DIPK1B: variants seen among roughly 807,000 people sequenced by gnomAD.
DIPK1B encodes divergent protein kinase domain 1B.
DIPK1B carries 17 observed loss-of-function variants against 20.7 expected under a neutral mutation model. The observed-to-expected ratio is 0.82, with a 90% CI of 0.56 to 1.23. DIPK1B has a LOEUF of 1.23. Ranked by LOEUF, DIPK1B falls within the 50% of genes most tolerant of loss-of-function variation. The pLI, the probability that DIPK1B is intolerant of heterozygous loss-of-function variation, is 0.00. For missense variants in DIPK1B, 648 were observed against 601.8 expected, an observed-to-expected ratio of 1.08 and a Z score of -0.80; for synonymous variants, 343 against 276.5, an observed-to-expected ratio of 1.24 and a Z score of -2.39.
In DIPK1B at chr9:136,719,743, GAGCCCC is replaced by G. The variant is rs202217974; in HGVS notation, c.198+2049_198+2054del. 8.1e-3 allele frequency among the ~76,000 whole-genome samples: 1,235 copies of G among 152,322 alleles called. 18 individuals are homozygous for G. Among genetic ancestry groups the G allele is most frequent in the African/African-American group, 0.028 (1,166 of 41,568 alleles). ...ATCTCCCCACCCCTGGGGGACCCTGGAGCCCCAGCCCCAGCCCCAGCCTGGCAGACA... is the reference window on the plus strand; with the variant it reads ...ATCTCCCCACCCCTGGGGGACCCTGGAGCCCCAGCCCCAGCCTGGCAGACA... On this transcript the variant is annotated intron_variant, in intron 2 of 4. Transcript: ENST00000371692.
At position 136,723,394 on chromosome 9, in the gene DIPK1B, A is replaced by G; in HGVS notation, c.916A>G (p.Thr306Ala). Reference protein sequence around the residue: ...CETTLANVGYTATYDFKMADL... With the variant: ...CETTLANVGYAATYDFKMADL... ...GACCACACTGGCCAACGTGGGCTACACAGCCACCTACGACTTCAAGATGGC... is the reference window on the plus strand; with the variant it reads ...GACCACACTGGCCAACGTGGGCTACGCAGCCACCTACGACTTCAAGATGGC... Residue 306 changes from threonine (T) to alanine (A), a missense_variant, in exon 5 of 5, where the codon ACA becomes GCA. Transcript: ENST00000371692. 2 of 1,613,134 alleles carry G rather than the reference A, an allele frequency of 1.2e-6. No homozygotes were observed. Among genetic ancestry groups the G allele is most frequent in the Non-Finnish European group, 8.5e-7 (1 of 1,179,762 alleles).
chr9:136,720,738 A>AGC (rs1198434439), intron 2 of DIPK1B: 4 of 152,232 alleles, frequency 2.6e-5, no homozygotes, highest in African/African-American at 7.2e-5. Flanking sequence ...CTGACAACGG[A>AGC]GCGCTTGAGC....
At chr9:136,719,121 G>A (rs1259864699) in intron 2 of DIPK1B, among the ~76,000 whole-genome samples, 11 of 151,616 alleles carry the variant, frequency 7.3e-5, no homozygotes, top group South Asian at 2.1e-4. Flanking sequence ...GAGGTGGAGG[G>A]GCCGGACCTC....
chr9:136,717,097 T>C (rs911412470), intron 1 of DIPK1B, among the ~76,000 whole-genome samples: 3 of 151,928 alleles, frequency 2.0e-5, no homozygotes, highest in South Asian at 2.1e-4. Context: ...GTCGTGGTGG[T>C]GCATGCCTGT....
At chr9:136,714,680 A>G (rs1846472398) in intron 1 of DIPK1B, among the ~76,000 whole-genome samples, 1 of 152,234 alleles carries the variant, frequency 6.6e-6, no homozygotes. Flanking sequence ...AAACAGATTC[A>G]GTGCCCAGGA....
chr9:136,722,500 G>A (rs559984752), intron 4 of DIPK1B, 199 bp downstream of exon 4: 1 of 665,898 alleles, frequency 1.5e-6, no homozygotes, highest in South Asian at 1.9e-5. Context: ...CAAGGGTTGG[G>A]GGCGCCGGTG....
rs1240092008 is a variant in DIPK1B, at chr9:136,717,437, CGG to C, written c.64-136_64-135del. ...CTGAGCTGGGGGTGATTCTAGAAGA[CGG>C]GGGTGCCAGGGGGCCAAGGGGATGG... On this transcript the variant is annotated intron_variant, in intron 1 of 4. Coordinates refer to ENST00000371692, the MANE Select transcript of DIPK1B (RefSeq NM_152421.4). 3.2e-6 allele frequency: 3 copies of C among 928,390 alleles called. No individual in the cohort carries two copies. In the Admixed American group the frequency reaches 7.6e-5, roughly 23 times the overall value. The allele number at this position is 928,390 out of a possible 1,614,324, so 57.5% of individuals were successfully genotyped here.
At chr9:136,720,380 G>A (rs572708472) in intron 2 of DIPK1B, among the ~76,000 whole-genome samples, 18 of 152,232 alleles carry the variant, frequency 1.2e-4, no homozygotes, top group Admixed American at 9.2e-4. Context: ...AACCCTGGAG[G>A]GCGGGGTGTT....
chr9:136,723,887 A>ACTC lies in DIPK1B; in HGVS notation c.*115_*117dup. Reference sequence around the variant, plus strand: ...TGAAATGCAACTGTGTTGCAAAATCACTCCCCTACCGTCAGGGCTCTGGAT... The same window carrying ACTC: ...TGAAATGCAACTGTGTTGCAAAATCACTCCTCCCCTACCGTCAGGGCTCTGGAT... On this transcript the variant is annotated 3_prime_UTR_variant, in exon 5 of 5. Transcript: ENST00000371692. 9.0e-7 allele frequency: 1 copy of ACTC among 1,107,352 alleles called. No homozygotes were observed. Among genetic ancestry groups the ACTC allele is most frequent in the Non-Finnish European group, 1.3e-6 (1 of 790,234 alleles). The allele number at this position is 1,107,352 out of a possible 1,614,324, so 68.6% of individuals were successfully genotyped here. A position where few individuals can be genotyped will look rare whatever the true frequency, so the allele number is the denominator to read the frequency against.
At chr9:136,718,735 C>T (rs934880369) in intron 2 of DIPK1B, among the ~76,000 whole-genome samples, 1 of 152,204 alleles carries the variant, frequency 6.6e-6, no homozygotes, top group Non-Finnish European at 1.5e-5. Context: ...GGTGTCTCCT[C>T]CGTCAGATGG....
intron 1 of DIPK1B, among the ~76,000 whole-genome samples, chr9:136,715,632 A>G (rs558965973): frequency 6.6e-6 from 1 of 151,122 alleles, no homozygotes; most frequent in African/African-American, 2.5e-5. Flanking sequence ...CTCCTGCCTC[A>G]GTCTCCCAAG....
At position 136,717,621 on chromosome 9, in the gene DIPK1B, G is replaced by C; in HGVS notation, c.108G>C (p.Trp36Cys). The C allele has an allele frequency of 1.2e-6, 2 of 1,604,438 alleles. No homozygotes were observed. The highest frequency in any genetic ancestry group is 1.7e-6 in the Non-Finnish European group (2 of 1,179,918). ...GGGTCCGCTGCATCTTCCTGGCCTG[G>C]CTGGGCGTCTTTGCAGGCAGCTGGC... ...GLRVRCIFLA[W>C]LGVFAGSWLV... Residue 36 changes from tryptophan to cysteine, a missense_variant, in exon 2 of 5, where the codon TGG becomes TGC. Trp to Cys is a radical substitution (Grantham distance 215, BLOSUM62 -2). Transcript: ENST00000371692.
intron 1 of DIPK1B, among the ~76,000 whole-genome samples, chr9:136,714,704 G>A (rs1846472689): frequency 6.6e-6 from 1 of 152,264 alleles, no homozygotes; most frequent in African/African-American, 2.4e-5. Context: ...GTGGTCTGAG[G>A]GGGCGGAGAC....
chr9:136,716,884 C>T lies in DIPK1B; in HGVS notation c.64-693C>T, dbSNP rs72761011. Among the ~76,000 whole-genome samples, 415 of 152,110 alleles carry T rather than the reference C, an allele frequency of 2.7e-3. 1 individual carries two copies. The highest frequency in any genetic ancestry group is 4.8e-3 in the Non-Finnish European group (329 of 67,996). On this transcript the variant is annotated intron_variant, in intron 1 of 4. Coordinates refer to ENST00000371692, the MANE Select transcript of DIPK1B (RefSeq NM_152421.4). Reference sequence around the variant, plus strand: ...GTGGGCGCGCTCACCTGGCCTTGTGCGGAGGTGACGATGTTATGAAATGAG... The same window carrying T: ...GTGGGCGCGCTCACCTGGCCTTGTGTGGAGGTGACGATGTTATGAAATGAG...
intron 2 of DIPK1B, among the ~76,000 whole-genome samples, chr9:136,718,508 G>A (rs1396443739): frequency 6.6e-6 from 1 of 152,216 alleles, no homozygotes; most frequent in African/African-American, 2.4e-5. Context: ...CTAGCTCAGA[G>A]GGGAGGTCAT....
In DIPK1B at chr9:136,712,652, G is replaced by C. The variant is rs985485746; in HGVS notation, c.-14G>C. The C allele has an allele frequency of 4.1e-6, 5 of 1,233,718 alleles. No homozygotes were observed. In the African/African-American group the frequency reaches 6.4e-5, roughly 16 times the overall value. The allele number at this position is 1,233,718 out of a possible 1,614,324, so 76.4% of individuals were successfully genotyped here. A position where few individuals can be genotyped will look rare whatever the true frequency, so the allele number is the denominator to read the frequency against. ...CGAGCCGCGGGGCCCGCGCAGCCCC[G>C]GCCGGAGCCCACCATGCGGCGGCTG... On this transcript the variant is annotated 5_prime_UTR_variant, in exon 1 of 5. Transcript: ENST00000371692. The surrounding 1 kb of genome is among the most constrained non-coding windows in gnomAD (Gnocchi z 5.6).
intron 1 of DIPK1B, among the ~76,000 whole-genome samples, chr9:136,716,016 T>C (rs887346871): frequency 6.6e-6 from 1 of 152,134 alleles, no homozygotes; most frequent in Non-Finnish European, 1.5e-5. Context: ...TCTATGGTTT[T>C]GGCGACTCTG....
chr9:136,721,733 C>T, intron 2 of DIPK1B, 188 bp from the exon 3 acceptor site: 3 of 595,346 alleles, frequency 5.0e-6, no homozygotes, highest in Non-Finnish European at 8.9e-6. Context: ...GCTGCCCCTG[C>T]AGCCGACAGC....
intron 4 of DIPK1B, 137 bp from the exon 5 acceptor site, chr9:136,722,825 G>A: frequency 1.2e-6 from 1 of 836,972 alleles, no homozygotes; most frequent in Admixed American, 2.8e-5. Flanking sequence ...GTGTAGCTGT[G>A]GGCTGGGACC....
Sources: gnomAD v4.1 joint callset for allele counts (sites outside exome capture counted in the v4.1 genomes callset) on GRCh38, gnomAD v4.1.1 for gene constraint, Gnocchi (gnomAD v3.1) non-coding constraint, MANE v1.5 for transcripts, NCBI Gene and HGNC (gene_info 2026-07-23, HGNC 2026-07-21) for gene names.